PCDHGA11: variants seen among roughly 807,000 people sequenced by gnomAD.
PCDHGA11 encodes protocadherin gamma subfamily A, 11, also known as protocadherin gamma-A11.
In PCDHGA11, 39 loss-of-function variants were observed where a neutral mutation model predicts 60.4. The ratio of observed to expected loss-of-function variants is 0.65; its 90% CI spans 0.50 to 0.84. The LOEUF is 0.84. PCDHGA11 is among the 40% of genes least tolerant of loss of function. The pLI, the probability that PCDHGA11 is intolerant of heterozygous loss-of-function variation, is 0.00. For synonymous variants in PCDHGA11, 533 were observed against 510.3 expected, an observed-to-expected ratio of 1.04 and a Z score of -0.60; for missense variants, 1,165 against 1,197.7, an observed-to-expected ratio of 0.97 and a Z score of 0.40.
At position 141,423,085 on chromosome 5, in the gene PCDHGA11, G is replaced by A; in HGVS notation, c.1858G>A (p.Val620Met). 6.2e-7 allele frequency: 1 copy of A among 1,614,072 alleles called. No homozygotes were observed. The highest frequency in any genetic ancestry group is 8.5e-7 in the Non-Finnish European group (1 of 1,180,026). ...GGCCAGCGAGCCGGGACTCTTCGCG[G>A]TGGGGGAGCACACGGGCGAGGTGCG... ...LKASEPGLFA[V>M]GEHTGEVRTA... The change falls in exon 1 of 4, where the codon GTG becomes ATG. Residue 620 changes from valine to methionine, a missense_variant. By Grantham distance (21) the Val-to-Met change is conservative (BLOSUM62 1). Transcript: ENST00000398587.
In PCDHGA11 at chr5:141,431,508, G is replaced by A. The variant is rs774545870; in HGVS notation, c.2433+7848G>A. ...TTTGCTCAGCCCGAGTACCGCGCGA[G>A]CGTTCCGGAGAATCTGGCCTTGGGC... On this transcript the variant is annotated intron_variant, in intron 1 of 3. Coordinates refer to ENST00000398587, the MANE Select transcript of PCDHGA11 (RefSeq NM_018914.3). The surrounding 1 kb of genome is among the most constrained non-coding windows in gnomAD (Gnocchi z 4.8). 12 of 1,613,914 alleles carry A rather than the reference G, an allele frequency of 7.4e-6. No individual in the cohort carries two copies. Among genetic ancestry groups the A allele is most frequent in the East Asian group, 2.2e-5 (1 of 44,904 alleles).
At chr5:141,478,050 CG>C in intron 1 of PCDHGA11, 1 of 1,614,184 alleles carries the variant, frequency 6.2e-7, no homozygotes, top group Non-Finnish European at 8.5e-7. Context: ...CAGACTCTCA[CG>C]GTCTTGATCA....
chr5:141,435,781 C>T (rs3828680), intron 1 of PCDHGA11, among the ~76,000 whole-genome samples: 81,882 of 151,942 alleles, frequency 0.54, 24,120 homozygotes, highest in African/African-American at 0.79. Flanking sequence ...TGTAAAGGTG[C>T]AGGGAAACAT....
chr5:141,491,493 G>A lies in PCDHGA11; in HGVS notation c.2434-3314G>A, dbSNP rs1008591563. On this transcript the variant is annotated intron_variant, in intron 1 of 3. Transcript: ENST00000398587. This position sits in a 1 kb window ranked among gnomAD's most constrained non-coding sequence, Gnocchi z 6.9. ...AGCAGTCCAGCCCCAACCTGCAGGT[G>A]AGCTCGGACGGCACGCTCAAGTACA... 6.2e-7 allele frequency: 1 copy of A among 1,614,000 alleles called. No homozygotes were observed. Among genetic ancestry groups the A allele is most frequent in the African/African-American group, 1.3e-5 (1 of 74,928 alleles).
intron 1 of PCDHGA11, chr5:141,478,429 G>C: frequency 6.2e-7 from 1 of 1,613,674 alleles, no homozygotes; most frequent in Non-Finnish European, 8.5e-7. Flanking sequence ...GCAGCGACCC[G>C]CTGCTGAAGA....
chr5:141,510,435 C>T (rs938448523), intron 3 of PCDHGA11, among the ~76,000 whole-genome samples: 2 of 152,108 alleles, frequency 1.3e-5, no homozygotes, highest in Non-Finnish European at 2.9e-5. Context: ...ATGGCTGCTG[C>T]CCTCCAGGAG....
At position 141,476,128 on chromosome 5, in the gene PCDHGA11, G is replaced by A. The variant is rs1450094771; in HGVS notation, c.2434-18679G>A. 1 of 1,606,456 alleles carries A rather than the reference G, an allele frequency of 6.2e-7. No homozygotes were observed. Among genetic ancestry groups the A allele is most frequent in the African/African-American group, 1.3e-5 (1 of 74,874 alleles). On this transcript the variant is annotated intron_variant, in intron 1 of 3. Transcript: ENST00000398587. The surrounding 1 kb of genome is among the most constrained non-coding windows in gnomAD (Gnocchi z 7.6). ...TGCTTTTGAGTGAGATGGTCCCAGA[G>A]GCCTGGAGGAGCGGACTGGTAAGCA...
chr5:141,429,073 C>CTCGATT (rs1202357717), intron 1 of PCDHGA11: 1 of 152,116 alleles, frequency 6.6e-6, no homozygotes, highest in African/African-American at 2.4e-5. Context: ...CCAGGATGGT[C>CTCGATT]TCGATTTCCT....
At position 141,433,069 on chromosome 5, in the gene PCDHGA11, C is replaced by G. The variant is rs561950316; in HGVS notation, c.2433+9409C>G. The G allele has an allele frequency of 3.1e-6, 5 of 1,614,200 alleles. No homozygotes were observed. In the Admixed American group the frequency reaches 8.3e-5, roughly 27 times the overall value. Reference sequence around the variant, plus strand: ...ACTCGCGGAAGAGTCACCTGATCTTCCCCCAGCCCAACTATGCAGACATGC... The same window carrying G: ...ACTCGCGGAAGAGTCACCTGATCTTGCCCCAGCCCAACTATGCAGACATGC... On this transcript the variant is annotated intron_variant, in intron 1 of 3. Coordinates refer to ENST00000398587, the MANE Select transcript of PCDHGA11 (RefSeq NM_018914.3).
Position 141,485,955 on chromosome 5 carries a change from T to C in PCDHGA11, c.2434-8852T>C. 1 of 1,614,152 alleles carries C rather than the reference T, an allele frequency of 6.2e-7. No homozygotes were observed. Among genetic ancestry groups the C allele is most frequent in the Non-Finnish European group, 8.5e-7 (1 of 1,180,018 alleles). On this transcript the variant is annotated intron_variant, in intron 1 of 3. Transcript: ENST00000398587. This position sits in a 1 kb window ranked among gnomAD's most constrained non-coding sequence, Gnocchi z 5.7. ...GAGAGCGCACCAGCGGGCATGGTGC[T>C]CATCCAGCTCAATGCCTCAGACCCG...
Position 141,486,288 on chromosome 5 carries a change from T to C in PCDHGA11, c.2434-8519T>C. 5 of 1,613,996 alleles carry C rather than the reference T, an allele frequency of 3.1e-6. No individual in the cohort carries two copies. The highest frequency in any genetic ancestry group is 4.2e-6 in the Non-Finnish European group (5 of 1,179,986). ...GAACCTGGCACTGTGGTGGCACTTA[T>C]CAGTGTGCAGGATCCAGACTCAGGG... On this transcript the variant is annotated intron_variant, in intron 1 of 3. Coordinates refer to ENST00000398587, the MANE Select transcript of PCDHGA11 (RefSeq NM_018914.3). The surrounding 1 kb of genome is among the most constrained non-coding windows in gnomAD (Gnocchi z 5.0).
chr5:141,474,093 C>G (rs2099341169), intron 1 of PCDHGA11, among the ~76,000 whole-genome samples: 1 of 152,098 alleles, frequency 6.6e-6, no homozygotes, highest in African/African-American at 2.4e-5. Flanking sequence ...AAAAAACAAA[C>G]AACAACAAAA....
At chr5:141,478,468 C>A (rs2099457906) in intron 1 of PCDHGA11, 2 of 1,613,800 alleles carry the variant, frequency 1.2e-6, no homozygotes, top group Admixed American at 1.7e-5. Flanking sequence ...CACTGGCCAG[C>A]CGCCAGAACA....
At chr5:141,482,205 C>T (rs1478729653) in intron 1 of PCDHGA11, among the ~76,000 whole-genome samples, 1 of 151,896 alleles carries the variant, frequency 6.6e-6, no homozygotes, top group Non-Finnish European at 1.5e-5. Context: ...TAAAACAGAC[C>T]AGGTACTTGT....
At chr5:141,478,940 T>C in intron 1 of PCDHGA11, 2 of 584,636 alleles carry the variant, frequency 3.4e-6, no homozygotes, top group South Asian at 2.7e-5. Flanking sequence ...CTTCTAGGAA[T>C]ACAAAAACTA....
chr5:141,495,005 C>A, intron 2 of PCDHGA11, 140 bp downstream of exon 2: 1 of 1,522,810 alleles, frequency 6.6e-7, no homozygotes. Context: ...TCTTGGTGTG[C>A]GGGGGGCTGG....
intron 3 of PCDHGA11, among the ~76,000 whole-genome samples, chr5:141,505,973 G>A (rs1207489923): frequency 6.6e-6 from 1 of 152,166 alleles, no homozygotes; most frequent in Non-Finnish European, 1.5e-5. Context: ...ATCCCCAGCC[G>A]AGAGAACACC....
intron 1 of PCDHGA11, among the ~76,000 whole-genome samples, chr5:141,437,913 T>G (rs1232481433): frequency 6.6e-6 from 1 of 152,138 alleles, no homozygotes; most frequent in East Asian, 1.9e-4. Context: ...AATTTTTGTA[T>G]TTTTAGTAGA....
intron 1 of PCDHGA11, chr5:141,427,003 T>C: frequency 2.2e-6 from 1 of 456,764 alleles, no homozygotes; most frequent in South Asian, 1.5e-5. Flanking sequence ...GCCCCAGTTT[T>C]TAGCCAGGAT....
Sources: allele counts gnomAD v4.1 joint callset (sites outside exome capture counted in the v4.1 genomes callset), GRCh38; gene constraint gnomAD v4.1.1; non-coding constraint Gnocchi (gnomAD v3.1); transcripts MANE v1.5; gene names NCBI Gene and HGNC (gene_info 2026-07-23, HGNC 2026-07-21).